The following PAPLN variants were observed in gnomAD, a reference collection of about 807,000 sequenced individuals.
PAPLN encodes the protein papilin.
Under a neutral mutation model 159.0 loss-of-function variants are expected in PAPLN, and 146 were observed. The ratio of observed to expected loss-of-function variants is 0.92; its 90% CI spans 0.80 to 1.05. The LOEUF is 1.05. Among genes scored for constraint, PAPLN ranks in the 50% least tolerant of loss-of-function variants. The pLI is 0.00. For synonymous variants in PAPLN, 734 were observed against 702.9 expected (o/e 1.04, Z -0.70); for missense variants, 1,720 against 1,743.9 (o/e 0.99, Z 0.24).
chr14:73,261,256 G>T lies in PAPLN; in HGVS notation c.2207G>T (p.Gly736Val). The change falls in exon 18 of 27, where the codon GGT becomes GTT. Residue 736 changes from glycine (G) to valine (V), a missense_variant. Transcript: ENST00000644200. ...CCYDNVATAA[G>V]PLGEGCVGQP... ...TATGACAACGTGGCCACTGCAGCCG[G>T]TCCTCTTGGGGAAGGCTGTGTGGGC... is the stretch of plus-strand genomic sequence containing the variant. The T allele has an allele frequency of 6.2e-7, 1 of 1,613,818 alleles. No homozygotes were observed. Among genetic ancestry groups the T allele is most frequent in the African/African-American group, 1.3e-5 (1 of 75,012 alleles).
Position 73,253,794 on chromosome 14 carries a change from G to A in PAPLN, c.1135G>A (p.Gly379Arg). 1 of 1,610,042 alleles carries A rather than the reference G, an allele frequency of 6.2e-7. No homozygotes were observed. Among genetic ancestry groups the A allele is most frequent in the Non-Finnish European group, 8.5e-7 (1 of 1,177,140 alleles). Residue 379 changes from glycine to arginine, a missense_variant, in exon 12 of 27, where the codon GGA (glycine) becomes AGA (arginine). By Grantham distance (125) the Gly-to-Arg change is moderately radical. Transcript: ENST00000644200. Reference protein sequence around the residue: ...GPWAPCSASCGGGSQSRSVYC... With the variant: ...GPWAPCSASCRGGSQSRSVYC... ...ATGGGCACCCTGCTCAGCCTCCTGT[G>A]GAGGAGGCTCCCAGTCCCGCTCCGT...
At chr14:73,240,107 C>T (rs1189142701) in intron 2 of PAPLN, among the ~76,000 whole-genome samples, 1 of 152,210 alleles carries the variant, frequency 6.6e-6, no homozygotes, top group Non-Finnish European at 1.5e-5. Flanking sequence ...GGTGGGAGCA[C>T]TCCATGAAGT....
Position 73,254,970 on chromosome 14 carries a change from C to T in PAPLN, c.1579C>T (p.Pro527Ser). The T allele has an allele frequency of 2.5e-6, 4 of 1,613,836 alleles. No homozygotes were observed. The highest frequency in any genetic ancestry group is 3.4e-6 in the Non-Finnish European group (4 of 1,179,976). ...CTGCGGGAGCCTGCAGCACTCCAAG[C>T]CTGTGGATGTGGAGCCTTGTAACAC... Reference protein sequence around the residue: ...SHCGSLQHSKPVDVEPCNTQP... With the variant: ...SHCGSLQHSKSVDVEPCNTQP... The change falls in exon 14 of 27, where the codon CCT becomes TCT. Residue 527 changes from proline to serine, a missense_variant. Transcript: ENST00000644200.
chr14:73,259,650 C>T (rs1269851090), intron 16 of PAPLN, 105 bp downstream of exon 16: 3 of 1,342,416 alleles, frequency 2.2e-6, no homozygotes, highest in Non-Finnish European at 2.9e-6. Context: ...GGTGGGTGTG[C>T]AGAGCTCAGG....
intron 8 of PAPLN, 46 bp downstream of exon 8, chr14:73,251,612 G>A: frequency 6.2e-7 from 1 of 1,613,442 alleles, no homozygotes; most frequent in Non-Finnish European, 8.5e-7. Context: ...GGCTGCAGGG[G>A]GAGGTGCGGC....
At chr14:73,271,939 C>T (rs753451444) in intron 26 of PAPLN, among the ~76,000 whole-genome samples, 17 of 152,198 alleles carry the variant, frequency 1.1e-4, no homozygotes, top group Non-Finnish European at 2.1e-4. Flanking sequence ...ATTACCTTGT[C>T]TAATATGCAT....
At chr14:73,263,887 G>GCCCCCCC in intron 20 of PAPLN, 105 bp downstream of exon 20, 1 of 1,278,938 alleles carries the variant, frequency 7.8e-7, no homozygotes, top group Non-Finnish European at 1.1e-6. Context: ...AGGTGTGACA[G>GCCCCCCC]ACCCCCTCCT....
At chr14:73,238,056 G>A (rs779107006) in intron 1 of PAPLN, among the ~76,000 whole-genome samples, 3 of 152,158 alleles carry the variant, frequency 2.0e-5, no homozygotes, top group Admixed American at 6.5e-5. Context: ...GGGGGTGCGC[G>A]GCGCGTTCCT....
At chr14:73,244,982 C>T (rs1884037072) in intron 3 of PAPLN, 1 of 439,800 alleles carries the variant, frequency 2.3e-6, no homozygotes, top group Admixed American at 4.0e-5. Flanking sequence ...GCCTGTTGCC[C>T]CTGGTCTCCA....
Position 73,264,670 on chromosome 14 carries a change from G to A in PAPLN, c.3069G>A (p.Ala1023=), listed in dbSNP as rs201693880. 138 of 1,610,452 alleles carry A rather than the reference G, an allele frequency of 8.6e-5. No individual in the cohort carries two copies. In the Admixed American group the frequency reaches 1.7e-3, roughly 20 times the overall value. ...PRDPAQDFGQ[A]GAAGPLGAIP... is the part of the protein sequence containing the mutation. ...ACCCAGCTCAGGACTTTGGCCAAGC[G>A]GGGGCTGCTGGGCCCCTGGGGGCCA... The change falls in exon 22 of 27, where the codon GCG becomes GCA. Residue 1023 remains alanine (A), a synonymous_variant. Coordinates refer to ENST00000644200, the MANE Select transcript of PAPLN (RefSeq NM_001365906.3).
At position 73,248,076 on chromosome 14, in the gene PAPLN, T is replaced by C. The variant is rs1594788415; in HGVS notation, c.334+1901T>C. Among the ~76,000 whole-genome samples the C allele has an allele frequency of 1.6e-4, 5 of 31,854 alleles. No individual in the cohort carries two copies. In the South Asian group the frequency reaches 7.3e-3, roughly 47 times the overall value. The allele number at this position is 31,854 out of a possible 152,430, so 20.9% of individuals were successfully genotyped here. A position where few individuals can be genotyped will look rare whatever the true frequency, so the allele number is the denominator to read the frequency against. ...GGCCCAGTGGGAGTCTCATATCCTC[T>C]GTGTGTGTGTGTGTGTGTGTGTGTG... On this transcript the variant is annotated intron_variant, in intron 5 of 26. Transcript: ENST00000644200.
chr14:73,254,948 C>T lies in PAPLN; in HGVS notation c.1557C>T (p.Cys519=), dbSNP rs774054825. The T allele has an allele frequency of 1.2e-5, 20 of 1,613,556 alleles. 1 individual carries two copies. Among genetic ancestry groups the T allele is most frequent in the East Asian group, 1.1e-4 (5 of 44,876 alleles). Residue 519 remains cysteine (C), a synonymous_variant, in exon 14 of 27, where the codon TGC becomes TGT. Transcript: ENST00000644200. ...VICAIGPPSH[C]GSLQHSKPVD... ...GTGCCATTGGGCCGCCCAGCCACTG[C>T]GGGAGCCTGCAGCACTCCAAGCCTG...
chr14:73,270,161 CG>C (rs1887583098), intron 26 of PAPLN, among the ~76,000 whole-genome samples: 1 of 152,206 alleles, frequency 6.6e-6, no homozygotes, highest in Admixed American at 6.5e-5. Context: ...GACCTCTGTC[CG>C]GGGCCTCGCT....
chr14:73,261,405 T>C, intron 18 of PAPLN, 111 bp downstream of exon 18: 1 of 1,413,734 alleles, frequency 7.1e-7, no homozygotes, highest in East Asian at 2.4e-5. Context: ...TATTCATTCA[T>C]TCCTACCACA....
At chr14:73,259,685 C>T (rs1011662721) in intron 16 of PAPLN, 140 bp downstream of exon 16, 19 of 1,144,400 alleles carry the variant, frequency 1.7e-5, no homozygotes, top group Middle Eastern at 2.9e-4. Context: ...GCTTTCCTCC[C>T]TGGGCTGCCC....
rs1249050791 is a variant in PAPLN at position 73,251,580 on chromosome 14, G to T, written c.670+14G>T. ...GGAACTTCCTGGGTGAGAGCCTAGG[G>T]TTAGGTCCTAGGCAGGTCTGGGGCT... On this transcript the variant is annotated intron_variant, in intron 8 of 26. Coordinates refer to ENST00000644200, the MANE Select transcript of PAPLN (RefSeq NM_001365906.3). The T allele has an allele frequency of 6.2e-7, 1 of 1,613,122 alleles. No homozygotes were observed. The highest frequency in any genetic ancestry group is 8.5e-7 in the Non-Finnish European group (1 of 1,179,864).
chr14:73,256,219 C>G (rs1388441631), intron 14 of PAPLN, among the ~76,000 whole-genome samples: 1 of 152,094 alleles, frequency 6.6e-6, no homozygotes, highest in Admixed American at 6.5e-5. Flanking sequence ...CAGGGACTAG[C>G]AGGACCCATA....
intron 1 of PAPLN, among the ~76,000 whole-genome samples, chr14:73,238,613 C>T (rs1410957200): frequency 1.3e-5 from 2 of 152,238 alleles, no homozygotes; most frequent in Non-Finnish European, 2.9e-5. Context: ...TAGCAGGGGG[C>T]TCCTGCTCTG....
At chr14:73,271,351 T>G (rs1407506279) in intron 26 of PAPLN, among the ~76,000 whole-genome samples, 3 of 152,106 alleles carry the variant, frequency 2.0e-5, no homozygotes, top group Non-Finnish European at 2.9e-5. Context: ...GGTACAGTCT[T>G]TTAGTGGTAT....
Sources: gnomAD v4.1 joint callset for allele counts (sites outside exome capture counted in the v4.1 genomes callset) on GRCh38, gnomAD v4.1.1 for gene constraint, MANE v1.5 for transcripts, NCBI Gene and HGNC (gene_info 2026-07-23, HGNC 2026-07-21) for gene names.